The following EDARADD variants were observed in gnomAD, a reference collection of about 807,000 sequenced individuals.
The protein encoded by EDARADD is EDAR associated via death domain, also known as ectodysplasin-A receptor-associated adapter protein.
Under a neutral mutation model 25.6 loss-of-function variants are expected in EDARADD, and 20 were observed. The ratio of observed to expected loss-of-function variants is 0.78; its 90% CI spans 0.55 to 1.14. The LOEUF (loss-of-function observed/expected upper bound fraction) is 1.14. Ranked by LOEUF, EDARADD falls within the 50% of genes most tolerant of loss-of-function variation. The pLI is 0.00. For synonymous variants in EDARADD, 86 were observed against 94.4 expected (o/e 0.91, Z 0.52); for missense variants, 225 against 270.1 (o/e 0.83, Z 1.17).
chr1:236,410,337 A>G (rs1472809268), intron 2 of EDARADD, among the ~76,000 whole-genome samples: 1 of 152,096 alleles, frequency 6.6e-6, no homozygotes, highest in Non-Finnish European at 1.5e-5. Flanking sequence ...ATAAGTGAGA[A>G]CATGCAGTAT....
chr1:236,375,037 T>A (rs552749150), intron 3 of EDARADD, among the ~76,000 whole-genome samples: 1 of 152,010 alleles, frequency 6.6e-6, no homozygotes, highest in Non-Finnish European at 1.5e-5. Context: ...ATAATTCCAT[T>A]TTCTCTTCTT....
chr1:236,482,617 C>T lies in EDARADD; in HGVS notation c.616C>T (p.Arg206Trp), dbSNP rs757216585. 4.1e-5 allele frequency: 66 copies of T among 1,612,120 alleles called. 1 individual carries two copies. Among genetic ancestry groups the T allele is most frequent in the African/African-American group, 5.3e-5 (4 of 74,840 alleles). ...GTGGGTGGACGAGGAGTGGCCCAAGCGGGAGCGTGGAGACCCCTCCAGGCA... is the reference window on the plus strand; with the variant it reads ...GTGGGTGGACGAGGAGTGGCCCAAGTGGGAGCGTGGAGACCCCTCCAGGCA... ...RRWVDEEWPK[R>W]ERGDPSRHF The change falls in exon 6 of 6, where the codon CGG becomes TGG. Residue 206 changes from arginine (R) to tryptophan (W), a missense_variant. Arg to Trp is a moderately radical substitution (Grantham distance 101, BLOSUM62 -3). Coordinates refer to ENST00000334232, the MANE Select transcript of EDARADD (RefSeq NM_145861.4).
chr1:236,448,670 C>A (rs1282803134), intron 4 of EDARADD, among the ~76,000 whole-genome samples: 1 of 152,174 alleles, frequency 6.6e-6, no homozygotes, highest in Admixed American at 6.5e-5. Context: ...TGCTCCGGTG[C>A]CAGCACTGGT....
In EDARADD at chr1:236,476,193, CAAATAAAT is replaced by C. The variant is rs148065571; in HGVS notation, c.266-6042_266-6035del. 3.6e-3 allele frequency among the ~76,000 whole-genome samples: 530 copies of C among 146,136 alleles called. 5 individuals are homozygous for C. The highest frequency in any genetic ancestry group is 0.011 in the African/African-American group (418 of 39,738). Reference sequence around the variant, plus strand: ...AGCTGACAACAGCGAGACTCCATCTCAAATAAATAAATAAATAAATAAATAAATAAATA... The same window carrying C: ...AGCTGACAACAGCGAGACTCCATCTCAAATAAATAAATAAATAAATAAATA... On this transcript the variant is annotated intron_variant, in intron 5 of 5. Coordinates refer to ENST00000334232, the MANE Select transcript of EDARADD (RefSeq NM_145861.4).
At chr1:236,361,299 A>G (rs1259412320) in intron 3 of EDARADD, among the ~76,000 whole-genome samples, 1 of 132,450 alleles carries the variant, frequency 7.6e-6, no homozygotes, top group African/African-American at 3.0e-5. Context: ...TTTGTTTTAT[A>G]TTTTATCTTA....
At chr1:236,423,446 A>G (rs1657830635) in intron 3 of EDARADD, among the ~76,000 whole-genome samples, 1 of 152,114 alleles carries the variant, frequency 6.6e-6, no homozygotes, top group Admixed American at 6.6e-5. Flanking sequence ...TGAGTACTGT[A>G]TTCCGTGGCC....
chr1:236,427,280 A>G (rs1235675694), intron 3 of EDARADD, 112 bp from the exon 4 acceptor site: 11 of 1,024,224 alleles, frequency 1.1e-5, no homozygotes, highest in African/African-American at 1.6e-5. Flanking sequence ...ATTTTACCAG[A>G]TGCCAAGGCA....
intron 5 of EDARADD, among the ~76,000 whole-genome samples, chr1:236,474,650 C>A (rs1042709700): frequency 2.6e-5 from 4 of 152,198 alleles, no homozygotes; most frequent in Non-Finnish European, 5.9e-5. Flanking sequence ...TACATTCTTT[C>A]TCCTTTAATA....
chr1:236,444,713 C>T (rs559402050), intron 4 of EDARADD, among the ~76,000 whole-genome samples: 56 of 152,258 alleles, frequency 3.7e-4, no homozygotes, highest in Non-Finnish European at 6.6e-4. Flanking sequence ...CGTGAGCCAC[C>T]GCGCCTGACC....
rs878871261 is a variant in EDARADD at position 236,483,367 on chromosome 1, C to T, written c.*718C>T. ...AAGGGTGTCTCAAAGCCTGTTGAGCCCATCAATAAAACTATTGCACCTGTC... is the reference window on the plus strand; with the variant it reads ...AAGGGTGTCTCAAAGCCTGTTGAGCTCATCAATAAAACTATTGCACCTGTC... On this transcript the variant is annotated 3_prime_UTR_variant, in exon 6 of 6. Coordinates refer to ENST00000334232, the MANE Select transcript of EDARADD (RefSeq NM_145861.4). The T allele has an allele frequency of 1.3e-6, 2 of 1,514,042 alleles. No individual in the cohort carries two copies. Among genetic ancestry groups the T allele is most frequent in the African/African-American group, 2.8e-5 (2 of 72,592 alleles). 93.8% of individuals were successfully genotyped at this position (1,514,042 alleles called of 1,614,324 possible).
chr1:236,405,785 CTTTCTTTTCT>C (rs761521808), intron 1 of EDARADD, among the ~76,000 whole-genome samples: 2,090 of 54,056 alleles, frequency 0.039, 71 homozygotes, highest in Non-Finnish European at 0.059. Flanking sequence ...TTCTTTCTTT[CTTTCTTTTCT>C]TTTTCTTTCT....
At chr1:236,359,772 AGAC>A (rs1339369488) in intron 3 of EDARADD, among the ~76,000 whole-genome samples, 1 of 152,224 alleles carries the variant, frequency 6.6e-6, no homozygotes, top group Non-Finnish European at 1.5e-5. Context: ...AGCATGGGAA[AGAC>A]TTGCCACCAT....
chr1:236,457,576 T>C (rs1253609), intron 4 of EDARADD, among the ~76,000 whole-genome samples: 1 of 151,626 alleles, frequency 6.6e-6, no homozygotes, highest in Non-Finnish European at 1.5e-5. Context: ...ATCCCAGCAC[T>C]TTGGGAGGCT....
intron 4 of EDARADD, among the ~76,000 whole-genome samples, chr1:236,445,478 T>G (rs1180853308): frequency 3.9e-5 from 6 of 152,140 alleles, no homozygotes; most frequent in Non-Finnish European, 5.9e-5. Context: ...TCTGCCTGTC[T>G]TGGACTCCCA....
intron 3 of EDARADD, among the ~76,000 whole-genome samples, chr1:236,386,618 G>T (rs1213880484): frequency 6.8e-5 from 1 of 14,678 alleles, no homozygotes; most frequent in Non-Finnish European, 1.3e-4. Context: ...CCGTCTGGGA[G>T]GTGAGGAGCG....
Position 236,484,175 on chromosome 1 carries a change from C to T in EDARADD, c.*1526C>T. 1 of 1,177,660 alleles carries T rather than the reference C, an allele frequency of 8.5e-7. No individual in the cohort carries two copies. Among genetic ancestry groups the T allele is most frequent in the Non-Finnish European group, 1.3e-6 (1 of 782,684 alleles). The allele number at this position is 1,177,660 out of a possible 1,614,324, so 73.0% of individuals were successfully genotyped here. Reference sequence around the variant, plus strand: ...CCTCGGCCGTGAATGAGAAGAAGTGCAACTGCCTCCTGCTCAAAGTGAACC... The same window carrying T: ...CCTCGGCCGTGAATGAGAAGAAGTGTAACTGCCTCCTGCTCAAAGTGAACC... On this transcript the variant is annotated 3_prime_UTR_variant, in exon 6 of 6. Transcript: ENST00000334232. The surrounding 1 kb of genome is among the most constrained non-coding windows in gnomAD (Gnocchi z 4.1).
intron 3 of EDARADD, among the ~76,000 whole-genome samples, chr1:236,362,434 T>A (rs542209504): frequency 1.4e-4 from 21 of 152,358 alleles, no homozygotes; most frequent in Middle Eastern, 3.4e-3. Context: ...GATATTTATT[T>A]ATGATGGATA....
chr1:236,401,911 C>A (rs1667618336), intron 1 of EDARADD, among the ~76,000 whole-genome samples: 1 of 152,122 alleles, frequency 6.6e-6, no homozygotes, highest in Non-Finnish European at 1.5e-5. Flanking sequence ...AAATGGGACA[C>A]ACAGACACTC....
intron 4 of EDARADD, among the ~76,000 whole-genome samples, chr1:236,464,305 A>G (rs574526014): frequency 8.2e-4 from 122 of 149,034 alleles, no homozygotes; most frequent in African/African-American, 3.0e-3. Context: ...GCTGGAGTGC[A>G]GTGGTTCAAT....
Sources: allele counts gnomAD v4.1 joint callset (sites outside exome capture counted in the v4.1 genomes callset), GRCh38; gene constraint gnomAD v4.1.1; non-coding constraint Gnocchi (gnomAD v3.1); transcripts MANE v1.5; gene names NCBI Gene and HGNC (gene_info 2026-07-23, HGNC 2026-07-21).